The following SCN2A variants were observed in gnomAD, a reference collection of about 807,000 sequenced individuals.
SCN2A encodes the protein sodium voltage-gated channel alpha subunit 2, also known as sodium channel protein type 2 subunit alpha.
SCN2A carries 20 observed loss-of-function variants against 188.7 expected under a neutral mutation model. That is an observed-to-expected ratio of 0.11 (90% CI 0.07 to 0.15). The LOEUF (loss-of-function observed/expected upper bound fraction) is 0.15. Ranked by LOEUF, SCN2A falls within the 10% of genes least tolerant of loss-of-function variation. The probability of loss-of-function intolerance (pLI) is 1.00; values close to 1 mark genes in which losing one functional copy is unlikely to be tolerated. For missense variants in SCN2A, 1,278 were observed against 2,445.0 expected (o/e 0.52, Z 10.07); for synonymous variants, 804 against 833.1 (o/e 0.97, Z 0.60).
chr2:165,295,807 A>G lies in SCN2A; in HGVS notation c.-17A>G. On this transcript the variant is annotated 5_prime_UTR_variant, in exon 2 of 27. Coordinates refer to ENST00000375437, the MANE Select transcript of SCN2A (RefSeq NM_001040142.2). ...ATGCAAGGAGCTAAACAGTGATTAA[A>G]GGAGCAGGATGAAAAGATGGCACAG... The G allele has an allele frequency of 6.2e-7, 1 of 1,614,042 alleles. No homozygotes were observed. Among genetic ancestry groups the G allele is most frequent in the South Asian group, 1.1e-5 (1 of 91,064 alleles).
chr2:165,320,564 G>A lies in SCN2A; in HGVS notation c.1672-2592G>A, dbSNP rs547429255. ...CAGCAAACTTCTGCCTGTACATCCA[G>A]GTGTTTCTATACATCCTCTGAAATC... On this transcript the variant is annotated intron_variant, in intron 11 of 26. Transcript: ENST00000375437. 2.4e-4 allele frequency among the ~76,000 whole-genome samples: 36 copies of A among 152,266 alleles called. 1 individual carries two copies. The highest frequency in any genetic ancestry group is 8.7e-4 in the African/African-American group (36 of 41,552).
chr2:165,389,718 C>T lies in SCN2A; in HGVS notation c.5912C>T (p.Ser1971Phe), dbSNP rs1182920938. Residue 1971 changes from serine (S) to phenylalanine (F), a missense_variant, in exon 27 of 27, where the codon TCT becomes TTT. Physicochemically the swap from Ser to Phe is radical, Grantham distance 155. Transcript: ENST00000375437. The surrounding 1 kb of genome is among the most constrained non-coding windows in gnomAD (Gnocchi z 4.2). ...ACCGATATGACGCCTTCCACCACGT[C>T]TCCACCCTCGTATGATAGTGTGACC... is the stretch of plus-strand genomic sequence containing the variant. The part of the protein sequence containing the change: ...EKTDMTPSTT[S>F]PPSYDSVTKP... The T allele has an allele frequency of 1.2e-6, 2 of 1,613,784 alleles. No individual in the cohort carries two copies. Among genetic ancestry groups the T allele is most frequent in the Non-Finnish European group, 1.7e-6 (2 of 1,179,944 alleles).
intron 7 of SCN2A, chr2:165,310,849 T>A (rs1006770375): frequency 4.6e-6 from 1 of 217,670 alleles, no homozygotes; most frequent in Admixed American, 5.3e-5. Flanking sequence ...TTATGCCATA[T>A]TAAAAAATGT....
Position 165,358,097 on chromosome 2 carries a change from A to G in SCN2A, c.3399+3426A>G, listed in dbSNP as rs563825520. Among the ~76,000 whole-genome samples, 28 of 152,348 alleles carry G rather than the reference A, an allele frequency of 1.8e-4. 1 individual carries two copies. The highest frequency in any genetic ancestry group is 1.5e-3 in the Admixed American group (23 of 15,294). On this transcript the variant is annotated intron_variant, in intron 17 of 26. Transcript: ENST00000375437. ...TAGATTTTAATAGAAATTTTATTCA[A>G]TGAAAAGTAAAAGTGCATGCCTTTA...
intron 1 of SCN2A, chr2:165,285,172 T>C (rs1695774230): frequency 6.5e-6 from 1 of 152,766 alleles, no homozygotes; most frequent in African/African-American, 2.4e-5. Context: ...ATCTAAAGAA[T>C]GTTGGTCAAG....
intron 5 of SCN2A, chr2:165,309,043 C>T: frequency 8.5e-7 from 1 of 1,172,744 alleles, no homozygotes; most frequent in Non-Finnish European, 1.2e-6. Flanking sequence ...GATGACAATG[C>T]CATTTTCCTC....
intron 1 of SCN2A, among the ~76,000 whole-genome samples, chr2:165,255,960 C>T: frequency 7.5e-6 from 1 of 134,062 alleles, no homozygotes. Context: ...CTTTGACCTT[C>T]TCTAGCTCAA....
At chr2:165,361,022 T>C (rs1700433760) in intron 17 of SCN2A, among the ~76,000 whole-genome samples, 1 of 151,978 alleles carries the variant, frequency 6.6e-6, no homozygotes. Context: ...TGAAGCTGAA[T>C]ATTTTTATAT....
chr2:165,321,008 A>G lies in SCN2A; in HGVS notation c.1672-2148A>G, dbSNP rs187935703. On this transcript the variant is annotated intron_variant, in intron 11 of 26. Coordinates refer to ENST00000375437, the MANE Select transcript of SCN2A (RefSeq NM_001040142.2). Reference sequence around the variant, plus strand: ...CACATTGTCAGGCTGCAAATTTTCCAAACTTTTATGTTCTGCTTCCCTTAT... The same window carrying G: ...CACATTGTCAGGCTGCAAATTTTCCGAACTTTTATGTTCTGCTTCCCTTAT... Among the ~76,000 whole-genome samples, 551 of 152,308 alleles carry G rather than the reference A, an allele frequency of 3.6e-3. 5 individuals are homozygous for G. Among genetic ancestry groups the G allele is most frequent in the African/African-American group, 0.013 (536 of 41,570 alleles).
At chr2:165,291,503 C>CTCTCTTTCTT (rs1559340419) in intron 1 of SCN2A, among the ~76,000 whole-genome samples, 4 of 106,540 alleles carry the variant, frequency 3.8e-5, no homozygotes, top group Non-Finnish European at 7.9e-5. Context: ...TTCTTTCTTT[C>CTCTCTTTCTT]TTTCTTTCTT....
intron 25 of SCN2A, 89 bp from the exon 26 acceptor site, chr2:165,386,657 C>A: frequency 3.0e-6 from 4 of 1,321,762 alleles, no homozygotes; most frequent in Non-Finnish European, 4.2e-6. Context: ...ATAAAAGCTA[C>A]ATTTTTTGTT....
At position 165,270,113 on chromosome 2, in the gene SCN2A, A is replaced by G. The variant is rs185998093; in HGVS notation, c.-51-25660A>G. The G allele has an allele frequency of 1.2e-4, 19 of 152,128 alleles. No individual in the cohort carries two copies. In the East Asian group the frequency reaches 2.1e-3, roughly 17 times the overall value. The allele number at this position is 152,128 out of a possible 1,614,324, so 9.4% of individuals were successfully genotyped here. A position where few individuals can be genotyped will look rare whatever the true frequency, so the allele number is the denominator to read the frequency against. ...ATCCCTCTTGATTTCACAGCTTAAC[A>G]ATTTCTTCTTTGTTCTTGACCCCAT... On this transcript the variant is annotated intron_variant, in intron 1 of 26. Transcript: ENST00000375437.
intron 18 of SCN2A, among the ~76,000 whole-genome samples, chr2:165,366,043 T>C (rs1012093455): frequency 2.0e-5 from 3 of 152,184 alleles, no homozygotes; most frequent in Admixed American, 6.5e-5. Context: ...GTTTTACTTG[T>C]ATCATTGTTT....
Position 165,366,039 on chromosome 2 carries a change from C to G in SCN2A, c.3520+776C>G, listed in dbSNP as rs565174457. Among the ~76,000 whole-genome samples, 6 of 152,234 alleles carry G rather than the reference C, an allele frequency of 3.9e-5. 1 individual carries two copies. The South Asian group carries it at 1.2e-3, about 32-fold the overall frequency. ...CAGACTTTCTTGTCACTAAGTTTTA[C>G]TTGTATCATTGTTTCTCTATTCTTA... is the stretch of plus-strand genomic sequence containing the variant. On this transcript the variant is annotated intron_variant, in intron 18 of 26. Coordinates refer to ENST00000375437, the MANE Select transcript of SCN2A (RefSeq NM_001040142.2).
At chr2:165,258,092 A>AT (rs1694410161) in intron 1 of SCN2A, among the ~76,000 whole-genome samples, 5 of 152,140 alleles carry the variant, frequency 3.3e-5, no homozygotes, top group Non-Finnish European at 5.9e-5. Flanking sequence ...CATAGTTTGC[A>AT]AATATTTTCT....
chr2:165,248,252 C>G (rs983186623), intron 1 of SCN2A, among the ~76,000 whole-genome samples: 1 of 152,156 alleles, frequency 6.6e-6, no homozygotes. Context: ...ATCCAGTTTT[C>G]TCAGGGTAAA....
chr2:165,323,631 C>CTGT, intron 12 of SCN2A, 131 bp downstream of exon 12: 1 of 829,926 alleles, frequency 1.2e-6, no homozygotes, highest in Non-Finnish European at 1.9e-6. Context: ...TTCAATCAAG[C>CTGT]TGTTAACTGT....
intron 16 of SCN2A, among the ~76,000 whole-genome samples, chr2:165,352,201 A>G (rs1699956262): frequency 6.6e-6 from 1 of 152,084 alleles, no homozygotes; most frequent in African/African-American, 2.4e-5. Context: ...TTTTAATCCA[A>G]ATAATAAGTT....
intron 15 of SCN2A, among the ~76,000 whole-genome samples, chr2:165,343,048 C>T (rs555119484): frequency 6.6e-6 from 1 of 152,114 alleles, no homozygotes; most frequent in Non-Finnish European, 1.5e-5. Flanking sequence ...TTTCTTTGAT[C>T]TTTTATAAAA....
Sources: gnomAD v4.1 joint callset for allele counts (sites outside exome capture counted in the v4.1 genomes callset) on GRCh38, gnomAD v4.1.1 for gene constraint, Gnocchi (gnomAD v3.1) non-coding constraint, MANE v1.5 for transcripts, NCBI Gene and HGNC (gene_info 2026-07-23, HGNC 2026-07-21) for gene names.